The following DLC1 variants were observed in gnomAD, a reference collection of about 807,000 sequenced individuals.
The protein encoded by DLC1 is DLC1 Rho GTPase activating protein.
In DLC1, 54 loss-of-function variants were observed where a neutral mutation model predicts 140.3. The observed-to-expected ratio is 0.38, with a 90% CI of 0.31 to 0.48. DLC1 has a LOEUF of 0.48. DLC1 is among the 20% of genes least tolerant of loss of function. The pLI, the probability that DLC1 is intolerant of heterozygous loss-of-function variation, is 0.96. For missense variants in DLC1, 2,536 were observed against 1,907.0 expected (o/e 1.33, Z -6.14); for synonymous variants, 986 against 728.1 (o/e 1.35, Z -5.70).
chr8:13,486,908 C>A (rs578085649), intron 2 of DLC1, among the ~76,000 whole-genome samples: 2 of 152,276 alleles, frequency 1.3e-5, no homozygotes, highest in South Asian at 4.1e-4. Flanking sequence ...GAGAAATAAT[C>A]ATTCTGTACA....
intron 4 of DLC1, among the ~76,000 whole-genome samples, chr8:13,344,037 T>C (rs758133913): frequency 2.6e-5 from 4 of 152,196 alleles, no homozygotes; most frequent in Non-Finnish European, 5.9e-5. Flanking sequence ...TGGGATTTCT[T>C]CTGACTTGAT....
chr8:13,324,556 G>C (rs1259223698), intron 4 of DLC1, among the ~76,000 whole-genome samples: 4 of 124,440 alleles, frequency 3.2e-5, no homozygotes, highest in African/African-American at 6.1e-5. Flanking sequence ...CTGGGCAAAA[G>C]AGCTAGACTC....
At chr8:13,242,164 A>T (rs886671354) in intron 5 of DLC1, among the ~76,000 whole-genome samples, 5 of 152,052 alleles carry the variant, frequency 3.3e-5, no homozygotes, top group African/African-American at 9.7e-5. Flanking sequence ...CAGGTTGTTC[A>T]TCTTGTCTTC....
chr8:13,400,014 C>G (rs1196473351), intron 3 of DLC1, among the ~76,000 whole-genome samples: 1 of 152,096 alleles, frequency 6.6e-6, no homozygotes, highest in Non-Finnish European at 1.5e-5. Context: ...TTATAATCCT[C>G]TTATTCCACT....
intron 2 of DLC1, among the ~76,000 whole-genome samples, chr8:13,494,138 G>C (rs962375970): frequency 2.0e-5 from 3 of 152,106 alleles, no homozygotes; most frequent in Non-Finnish European, 4.4e-5. Flanking sequence ...AAAGCACCTA[G>C]TGTTTATACA....
chr8:13,135,576 A>G (rs985896427), intron 5 of DLC1, among the ~76,000 whole-genome samples: 1 of 152,186 alleles, frequency 6.6e-6, no homozygotes, highest in Admixed American at 6.5e-5. Context: ...CTTAAAAAAT[A>G]AGAGTGCACC....
intron 2 of DLC1, among the ~76,000 whole-genome samples, chr8:13,402,273 A>G (rs1167316731): frequency 2.0e-5 from 3 of 152,212 alleles, no homozygotes; most frequent in Non-Finnish European, 2.9e-5. Context: ...TCTCTGTACT[A>G]CAGACATATG....
At chr8:13,497,928 C>A (rs763231793) in intron 2 of DLC1, among the ~76,000 whole-genome samples, 1 of 152,094 alleles carries the variant, frequency 6.6e-6, no homozygotes, top group Non-Finnish European at 1.5e-5. Context: ...AACTAACTCA[C>A]GACACATTAC....
intron 1 of DLC1, among the ~76,000 whole-genome samples, chr8:13,602,168 C>T (rs1186171723): frequency 6.6e-6 from 1 of 151,606 alleles, no homozygotes; most frequent in African/African-American, 2.4e-5. Context: ...CATGGTATTG[C>T]AATCAGCAAA....
chr8:13,360,364 G>A (rs1288831512), intron 4 of DLC1, among the ~76,000 whole-genome samples: 2 of 152,062 alleles, frequency 1.3e-5, no homozygotes. Flanking sequence ...AATGTATTAG[G>A]GAGCATATAT....
At chr8:13,427,624 CT>C (rs1353593058) in intron 2 of DLC1, among the ~76,000 whole-genome samples, 1 of 152,144 alleles carries the variant, frequency 6.6e-6, no homozygotes, top group Non-Finnish European at 1.5e-5. Flanking sequence ...ATTGGTCCCC[CT>C]CTCTCTGTGA....
At chr8:13,381,455 GA>G (rs1836251612) in intron 4 of DLC1, among the ~76,000 whole-genome samples, 2 of 152,176 alleles carry the variant, frequency 1.3e-5, no homozygotes, top group Non-Finnish European at 2.9e-5. Context: ...CTGTCACATT[GA>G]TTAGGATAGG....
chr8:13,166,505 T>A (rs1296993909), intron 5 of DLC1, among the ~76,000 whole-genome samples: 1 of 152,186 alleles, frequency 6.6e-6, no homozygotes. Context: ...CACACCTGGC[T>A]AATTTTTGCA....
At chr8:13,570,170 A>C (rs1418387256) in intron 1 of DLC1, among the ~76,000 whole-genome samples, 1 of 152,180 alleles carries the variant, frequency 6.6e-6, no homozygotes, top group African/African-American at 2.4e-5. Context: ...CATCTGGCCC[A>C]ACTTTACCTT....
chr8:13,434,291 A>G (rs990336928), intron 2 of DLC1, among the ~76,000 whole-genome samples: 2 of 152,224 alleles, frequency 1.3e-5, no homozygotes, highest in African/African-American at 4.8e-5. Flanking sequence ...GTGAGTTCTA[A>G]ACCACTGCTC....
Position 13,099,359 on chromosome 8 carries a change from G to A in DLC1, c.2978C>T (p.Thr993Ile). ...RRDSGVGASL[T>I]RSNRHRLRWH... is the part of the protein sequence containing the mutation. ...GAAAAGTTCTTACCTGTTGGACCTGGTTAGGGAAGCCCCAACCCCAGAATC... is the reference window on the plus strand; with the variant it reads ...GAAAAGTTCTTACCTGTTGGACCTGATTAGGGAAGCCCCAACCCCAGAATC... Residue 993 changes from threonine (T) to isoleucine (I), a missense_variant, in exon 9 of 18, where the codon ACC becomes ATC. Physicochemically the swap from Thr to Ile is moderately conservative, Grantham distance 89. Coordinates refer to ENST00000276297, the MANE Select transcript of DLC1 (RefSeq NM_182643.3). 1 of 1,613,634 alleles carries A rather than the reference G, an allele frequency of 6.2e-7. No individual in the cohort carries two copies. The highest frequency in any genetic ancestry group is 8.5e-7 in the Non-Finnish European group (1 of 1,179,880).
intron 5 of DLC1, among the ~76,000 whole-genome samples, chr8:13,179,262 A>C (rs1215474309): frequency 6.7e-6 from 1 of 150,258 alleles, no homozygotes; most frequent in Non-Finnish European, 1.5e-5. Flanking sequence ...AGTGGTAGTG[A>C]CTGGGAGGTG....
chr8:13,322,586 C>T (rs1476790837), intron 4 of DLC1, among the ~76,000 whole-genome samples: 2 of 152,102 alleles, frequency 1.3e-5, no homozygotes, highest in Non-Finnish European at 2.9e-5. Context: ...CTTTAGATCA[C>T]AGTTTTCTTA....
rs61430919 is a variant in DLC1 at position 13,086,116 on chromosome 8, C to G, written c.4466+174G>C. 0.042 allele frequency: 56,034 copies of G among 1,320,198 alleles called. 1,397 individuals carry two copies. The highest frequency in any genetic ancestry group is 0.093 in the African/African-American group (6,258 of 67,252). 81.8% of individuals were successfully genotyped at this position (1,320,198 alleles called of 1,614,324 possible). On this transcript the variant is annotated intron_variant, in intron 17 of 17. Transcript: ENST00000276297. ...CACATTTTCTAAGGGAACCAAATTA[C>G]GAAGTGGTCGCTGAAAGACCAACAA...
Sources: allele counts gnomAD v4.1 joint callset (sites outside exome capture counted in the v4.1 genomes callset), GRCh38; gene constraint gnomAD v4.1.1; transcripts MANE v1.5; gene names NCBI Gene and HGNC (gene_info 2026-07-23, HGNC 2026-07-21).